The following GMDS variants were observed in gnomAD, a reference collection of about 807,000 sequenced individuals.
GMDS encodes GDP-mannose 4,6 dehydratase.
GMDS carries 20 observed loss-of-function variants against 49.9 expected under a neutral mutation model. The observed-to-expected ratio is 0.40, with a 90% CI of 0.28 to 0.58. The LOEUF is 0.58. Among genes scored for constraint, GMDS ranks in the 20% least tolerant of loss-of-function variants. The pLI, the probability that GMDS is intolerant of heterozygous loss-of-function variation, is 0.42. For synonymous variants in GMDS, 177 were observed against 178.6 expected (o/e 0.99, Z 0.07); for missense variants, 362 against 481.4 (o/e 0.75, Z 2.32).
intron 7 of GMDS, among the ~76,000 whole-genome samples, chr6:1,799,778 T>C (rs1348680127): frequency 2.0e-4 from 30 of 152,198 alleles, no homozygotes; most frequent in African/African-American, 2.4e-5. Flanking sequence ...ATTTCAGGGT[T>C]ACAGCCTACG....
At chr6:1,810,469 GAC>G (rs1383480391) in intron 7 of GMDS, among the ~76,000 whole-genome samples, 1 of 152,026 alleles carries the variant, frequency 6.6e-6, no homozygotes, top group Non-Finnish European at 1.5e-5. Context: ...TTTTAGTAGA[GAC>G]AGGGTTTCAC....
intron 4 of GMDS, among the ~76,000 whole-genome samples, chr6:2,052,682 A>T (rs1164102428): frequency 6.6e-6 from 1 of 152,248 alleles, no homozygotes; most frequent in African/African-American, 2.4e-5. Flanking sequence ...TTATGGTTGC[A>T]AGACAATTGT....
intron 4 of GMDS, among the ~76,000 whole-genome samples, chr6:2,067,942 G>A (rs1771722688): frequency 6.6e-6 from 1 of 151,450 alleles, no homozygotes; most frequent in Non-Finnish European, 1.5e-5. Context: ...TGATACCAAA[G>A]CCGGGCAGAG....
In GMDS at chr6:2,009,417, G is replaced by A. The variant is rs1044280937; in HGVS notation, c.346-48451C>T. ...TACATGGCCAGATTCAGGAACCAATGGTTTAGTAAACTACACCTCAGAGAT... is the reference window on the plus strand; with the variant it reads ...TACATGGCCAGATTCAGGAACCAATAGTTTAGTAAACTACACCTCAGAGAT... On this transcript the variant is annotated intron_variant, in intron 4 of 10. Transcript: ENST00000380815. Among the ~76,000 whole-genome samples, 15 of 152,238 alleles carry A rather than the reference G, an allele frequency of 9.9e-5. No individual in the cohort carries two copies. The South Asian group carries it at 1.0e-3, about 11-fold the overall frequency.
chr6:1,855,173 C>T (rs1332275587), intron 7 of GMDS, among the ~76,000 whole-genome samples: 1 of 152,154 alleles, frequency 6.6e-6, no homozygotes, highest in Non-Finnish European at 1.5e-5. Context: ...TCAGGAAAGA[C>T]ATCAGGTGGC....
At chr6:1,757,778 T>A (rs6935246) in intron 7 of GMDS, among the ~76,000 whole-genome samples, 1 of 151,972 alleles carries the variant, frequency 6.6e-6, no homozygotes, top group Non-Finnish European at 1.5e-5. Context: ...AGGATTATTC[T>A]AAAACAGCAC....
chr6:1,868,494 T>C (rs750472905), intron 7 of GMDS, among the ~76,000 whole-genome samples: 23 of 152,174 alleles, frequency 1.5e-4, no homozygotes, highest in Non-Finnish European at 2.4e-4. Context: ...CTGCCTCACA[T>C]TCAGGGAGCA....
At chr6:1,844,819 G>A in intron 7 of GMDS, among the ~76,000 whole-genome samples, 1 of 152,164 alleles carries the variant, frequency 6.6e-6, no homozygotes, top group East Asian at 1.9e-4. Context: ...TTTATAAATA[G>A]GTTAGCTTCT....
Position 2,117,519 on chromosome 6 carries a change from G to A in GMDS, c.185C>T (p.Thr62Met), listed in dbSNP as rs775220343. The A allele has an allele frequency of 1.1e-5, 17 of 1,608,424 alleles. No homozygotes were observed. The highest frequency in any genetic ancestry group is 1.4e-5 in the Non-Finnish European group (17 of 1,175,008). ...GIVRRSSSFN[T>M]GRIEHLYKNP... ...CTTATACAGATGCTCAATTCGACCC[G>A]TATTAAATGAACTGGACCGCCGTAC... The change falls in exon 3 of 11, where the codon ACG becomes ATG. Residue 62 changes from threonine (T) to methionine (M), a missense_variant. Coordinates refer to ENST00000380815, the MANE Select transcript of GMDS (RefSeq NM_001500.4).
chr6:2,008,229 T>C lies in GMDS; in HGVS notation c.346-47263A>G, dbSNP rs565210529. On this transcript the variant is annotated intron_variant, in intron 4 of 10. Coordinates refer to ENST00000380815, the MANE Select transcript of GMDS (RefSeq NM_001500.4). Reference sequence around the variant, plus strand: ...TCTTCCCAAGACAGCAACATTTTCTTAGCACTAAATTTCAGTAGGAAAGCA... The same window carrying C: ...TCTTCCCAAGACAGCAACATTTTCTCAGCACTAAATTTCAGTAGGAAAGCA... Among the ~76,000 whole-genome samples the C allele has an allele frequency of 3.9e-5, 6 of 152,338 alleles. No homozygotes were observed. In the South Asian group the frequency reaches 1.2e-3, roughly 32 times the overall value.
intron 7 of GMDS, among the ~76,000 whole-genome samples, chr6:1,917,059 G>C (rs1253210135): frequency 1.3e-5 from 2 of 152,284 alleles, no homozygotes; most frequent in East Asian, 3.9e-4. Context: ...TGGCTCCTCA[G>C]ATGTTCTACA....
chr6:1,634,717 T>C (rs1439756622), intron 9 of GMDS, among the ~76,000 whole-genome samples: 2 of 152,140 alleles, frequency 1.3e-5, no homozygotes, highest in Non-Finnish European at 2.9e-5. Flanking sequence ...TGCCTGCAGA[T>C]GCTGCCTGTG....
chr6:2,158,274 T>C (rs182776367), intron 1 of GMDS, among the ~76,000 whole-genome samples: 23 of 152,282 alleles, frequency 1.5e-4, no homozygotes, highest in African/African-American at 5.5e-4. Context: ...ATAAAACATA[T>C]GTACGCATAA....
intron 7 of GMDS, among the ~76,000 whole-genome samples, chr6:1,856,158 G>C (rs530526589): frequency 6.6e-6 from 1 of 152,196 alleles, no homozygotes; most frequent in Non-Finnish European, 1.5e-5. Flanking sequence ...GGCTGGTGAG[G>C]ATCAAACTTG....
intron 9 of GMDS, among the ~76,000 whole-genome samples, chr6:1,723,894 T>C (rs1332201999): frequency 2.0e-5 from 3 of 152,122 alleles, no homozygotes; most frequent in African/African-American, 7.2e-5. Flanking sequence ...CTCTAGACCA[T>C]TGGCTCTTGG....
At chr6:1,944,731 G>T (rs902604633) in intron 6 of GMDS, among the ~76,000 whole-genome samples, 2 of 151,338 alleles carry the variant, frequency 1.3e-5, no homozygotes, top group South Asian at 4.2e-4. Context: ...AATAGTATTG[G>T]CTTATAGCCA....
intron 9 of GMDS, among the ~76,000 whole-genome samples, chr6:1,705,963 T>C (rs1446970489): frequency 1.3e-5 from 2 of 152,184 alleles, no homozygotes; most frequent in Non-Finnish European, 2.9e-5. Flanking sequence ...CTGGGGGGCA[T>C]TAAGCCCTGA....
chr6:1,841,243 C>T (rs1477339128), intron 7 of GMDS, among the ~76,000 whole-genome samples: 2 of 152,168 alleles, frequency 1.3e-5, no homozygotes, highest in East Asian at 3.8e-4. Context: ...CTCCTAGAAT[C>T]CCTTGCTCTC....
At chr6:1,669,044 G>A (rs546661891) in intron 9 of GMDS, among the ~76,000 whole-genome samples, 1 of 152,330 alleles carries the variant, frequency 6.6e-6, no homozygotes, top group African/African-American at 2.4e-5. Flanking sequence ...CACTAGTGAA[G>A]AACTCTCTGC....
Sources: gnomAD v4.1 joint callset for allele counts (sites outside exome capture counted in the v4.1 genomes callset) on GRCh38, gnomAD v4.1.1 for gene constraint, MANE v1.5 for transcripts, NCBI Gene and HGNC (gene_info 2026-07-23, HGNC 2026-07-21) for gene names.